The following YBEY variants were observed in gnomAD, a reference collection of about 807,000 sequenced individuals.
YBEY encodes ybeY metalloendoribonuclease.
A neutral mutation model predicts 13.5 loss-of-function variants in YBEY; 15 were observed. The ratio of observed to expected loss-of-function variants is 1.11; its 90% CI spans 0.75 to 1.72. The LOEUF (loss-of-function observed/expected upper bound fraction) is 1.72. YBEY is among the 40% of genes most tolerant of loss of function. The pLI is 0.00. For synonymous variants in YBEY, 101 were observed against 83.1 expected (o/e 1.21, Z -1.17); for missense variants, 244 against 208.4 (o/e 1.17, Z -1.05).
At chr21:46,310,435 C>T in the YBEY span, among the ~76,000 whole-genome samples, 4 of 149,450 alleles carry the variant, frequency 2.7e-5, no homozygotes, top group Admixed American at 6.7e-5. Flanking sequence ...GCCAAGATGG[C>T]GCCATTGCAC....
At chr21:46,303,047 C>T in the YBEY span, among the ~76,000 whole-genome samples, 1 of 152,120 alleles carries the variant, frequency 6.6e-6, no homozygotes, top group Non-Finnish European at 1.5e-5. Context: ...GCCTGTAATC[C>T]CAGCTCCTTG....
intron 2 of YBEY, among the ~76,000 whole-genome samples, chr21:46,287,927 G>A (rs1569092999): frequency 1.3e-5 from 2 of 151,940 alleles, no homozygotes; most frequent in Non-Finnish European, 1.5e-5. Context: ...CAGGAGAATC[G>A]CTTGAACCCC....
At chr21:46,302,708 C>T, downstream of YBEY, 1 of 720,738 alleles carries the variant, frequency 1.4e-6, no homozygotes, top group African/African-American at 1.8e-5. Context: ...GGCTCTGAGT[C>T]CGTCTGCACA....
chr21:46,302,444 C>T (rs1395949076), downstream of YBEY: 9 of 1,472,260 alleles, frequency 6.1e-6, no homozygotes, highest in Non-Finnish European at 8.4e-6. Context: ...CACCCAGGCC[C>T]TGTTTCCTTG....
intron 2 of YBEY, among the ~76,000 whole-genome samples, chr21:46,291,047 A>G (rs1428083937): frequency 1.3e-5 from 2 of 151,286 alleles, no homozygotes; most frequent in Non-Finnish European, 2.9e-5. Flanking sequence ...AAATACAAAA[A>G]TTAGCTGGGC....
At chr21:46,302,596 G>A (rs370541269), downstream of YBEY, 118 of 1,592,268 alleles carry the variant, frequency 7.4e-5, no homozygotes, top group African/African-American at 1.5e-3. Flanking sequence ...AGAAGCAGGG[G>A]GACCCTGAAT....
downstream of YBEY, among the ~76,000 whole-genome samples, chr21:46,298,232 G>A (rs1306361935): frequency 1.2e-5 from 1 of 86,132 alleles, no homozygotes. Context: ...ATGATTCAGG[G>A]ACATGAAAAT....
downstream of YBEY, chr21:46,302,082 G>C: frequency 1.3e-6 from 2 of 1,534,376 alleles, no homozygotes; most frequent in South Asian, 2.4e-5. Context: ...TGGTGGTGGT[G>C]GTGGTGGTGG....
At chr21:46,286,449 A>G (rs1427824985) in intron 1 of YBEY, 34 bp downstream of exon 1, 1 of 160,254 alleles carries the variant, frequency 6.2e-6, no homozygotes, top group Non-Finnish European at 1.4e-5. Flanking sequence ...CTCCCAAGCG[A>G]GAGCGTCGCA....
chr21:46,288,340 T>A (rs2839198), intron 2 of YBEY, among the ~76,000 whole-genome samples: 5,989 of 152,246 alleles, frequency 0.039, 162 homozygotes, highest in Middle Eastern at 0.092. Context: ...TTCAAACACA[T>A]GTATCCTTTA....
rs1352277290 is a variant in YBEY at position 46,296,368 on chromosome 21, CA to C, written c.408+139del. 1.4e-5 allele frequency: 13 copies of C among 914,860 alleles called. No individual in the cohort carries two copies. In the Admixed American group the frequency reaches 3.1e-4, roughly 22 times the overall value. 56.7% of individuals were successfully genotyped at this position (914,860 alleles called of 1,614,324 possible). ...CAGACCTGCCCTTGTAAAAATGACA[CA>C]GATGTTTGCTTTCAACACCGGGCTC... On this transcript the variant is annotated intron_variant, in intron 4 of 4. Coordinates refer to ENST00000397701, the MANE Select transcript of YBEY (RefSeq NM_001314025.2).
At chr21:46,312,833 C>A in the YBEY span, among the ~76,000 whole-genome samples, 1 of 152,206 alleles carries the variant, frequency 6.6e-6, no homozygotes, top group Non-Finnish European at 1.5e-5. Context: ...GTCCCAGTGA[C>A]CTCTCTATCC....
the YBEY span, among the ~76,000 whole-genome samples, chr21:46,312,521 G>A: frequency 1.3e-5 from 2 of 151,920 alleles, no homozygotes; most frequent in African/African-American, 4.8e-5. Flanking sequence ...GTTTCACCAC[G>A]TTGGCCAGGC....
At chr21:46,305,868 G>C in the YBEY span, among the ~76,000 whole-genome samples, 1 of 152,082 alleles carries the variant, frequency 6.6e-6, no homozygotes, top group Non-Finnish European at 1.5e-5. Context: ...CGTGAACCTG[G>C]GGGGCAGAGC....
chr21:46,295,083 A>T (rs2145828883), intron 3 of YBEY, among the ~76,000 whole-genome samples: 1 of 152,238 alleles, frequency 6.6e-6, no homozygotes, highest in East Asian at 1.9e-4. Context: ...TGTGGCCAGC[A>T]ACTGTGGGCG....
the YBEY span, among the ~76,000 whole-genome samples, chr21:46,308,529 A>T: frequency 1.3e-5 from 2 of 152,196 alleles, no homozygotes; most frequent in South Asian, 4.1e-4. Context: ...AGAGAAATGA[A>T]AGCATACATC....
downstream of YBEY, chr21:46,301,783 G>A: frequency 8.1e-7 from 1 of 1,238,800 alleles, no homozygotes; most frequent in Non-Finnish European, 1.0e-6. Context: ...TCACTGCAGG[G>A]GACCCGGAGC....
intron 2 of YBEY, among the ~76,000 whole-genome samples, chr21:46,289,441 G>GTT (rs773002446): frequency 0.22 from 28,609 of 131,548 alleles, 3,599 homozygotes; most frequent in Admixed American, 0.27. Flanking sequence ...GAAGGCAAGG[G>GTT]TTTTGTTTTT....
At chr21:46,287,792 A>G (rs1171976041) in intron 2 of YBEY, among the ~76,000 whole-genome samples, 1 of 151,848 alleles carries the variant, frequency 6.6e-6, no homozygotes, top group Non-Finnish European at 1.5e-5. Flanking sequence ...GGAGTTCGAG[A>G]TCAGCCTGGC....
Sources: gnomAD v4.1 joint callset for allele counts (sites outside exome capture counted in the v4.1 genomes callset) on GRCh38, gnomAD v4.1.1 for gene constraint, MANE v1.5 for transcripts, NCBI Gene and HGNC (gene_info 2026-07-23, HGNC 2026-07-21) for gene names.